The following OTUD7B variants were observed in gnomAD, a reference collection of about 807,000 sequenced individuals.
OTUD7B encodes OTU domain-containing protein 7B.
A neutral mutation model predicts 82.2 loss-of-function variants in OTUD7B; 34 were observed. The ratio of observed to expected loss-of-function variants is 0.41; its 90% CI spans 0.31 to 0.55. The LOEUF is 0.55. OTUD7B is among the 20% of genes least tolerant of loss of function. OTUD7B has a pLI of 0.20. For missense variants in OTUD7B, 944 were observed against 1,062.1 expected (o/e 0.89, Z 1.55); for synonymous variants, 398 against 402.7 (o/e 0.99, Z 0.14).
chr1:150,003,123 G>A (rs113321828), intron 1 of OTUD7B, among the ~76,000 whole-genome samples: 7,136 of 151,944 alleles, frequency 0.047, 214 homozygotes, highest in Non-Finnish European at 0.072. Flanking sequence ...GGTGGCGGGC[G>A]CCTGTAGTCC....
At chr1:150,039,177 AAAG>A in the OTUD7B span, among the ~76,000 whole-genome samples, 3 of 152,140 alleles carry the variant, frequency 2.0e-5, no homozygotes, top group African/African-American at 7.2e-5. Flanking sequence ...TAAAAACAGA[AAAG>A]AAAAAACTTT....
intron 2 of OTUD7B, among the ~76,000 whole-genome samples, chr1:149,975,692 C>A (rs1278765909): frequency 6.6e-6 from 1 of 152,076 alleles, no homozygotes; most frequent in Non-Finnish European, 1.5e-5. Context: ...TCAGGCCTGG[C>A]TGCATAGGAA....
At chr1:150,015,330 G>A (rs1198117906), upstream of OTUD7B, among the ~76,000 whole-genome samples, 5 of 139,476 alleles carry the variant, frequency 3.6e-5, no homozygotes, top group Admixed American at 3.8e-4. Flanking sequence ...GTCTGGCTCT[G>A]TCACCCAGGC....
chr1:149,974,587 T>A (rs1650174781), intron 2 of OTUD7B, among the ~76,000 whole-genome samples: 1 of 141,026 alleles, frequency 7.1e-6, no homozygotes, highest in African/African-American at 2.6e-5. Flanking sequence ...TCTCACTCTG[T>A]CACCCTGGCT....
At chr1:150,044,797 C>T in the OTUD7B span, among the ~76,000 whole-genome samples, 26 of 151,932 alleles carry the variant, frequency 1.7e-4, 1 homozygote, top group Middle Eastern at 0.01. Flanking sequence ...CTACTCCTTC[C>T]AACTTCATAA....
the OTUD7B span, among the ~76,000 whole-genome samples, chr1:150,062,425 G>A: frequency 0.022 from 3,351 of 152,170 alleles, 114 homozygotes; most frequent in African/African-American, 0.074. Flanking sequence ...GCATCTCTTC[G>A]AATGTTTACT....
intron 1 of OTUD7B, among the ~76,000 whole-genome samples, chr1:149,996,939 A>G (rs186958792): frequency 6.6e-6 from 1 of 152,330 alleles, no homozygotes; most frequent in African/African-American, 2.4e-5. Flanking sequence ...TTCTGGAGTT[A>G]GAAGCTTAAT....
At chr1:150,016,798 T>G in the OTUD7B span, among the ~76,000 whole-genome samples, 1 of 152,120 alleles carries the variant, frequency 6.6e-6, no homozygotes, top group Non-Finnish European at 1.5e-5. Context: ...CACTGATAAG[T>G]TCATGCTACC....
chr1:150,057,873 T>C, the OTUD7B span, among the ~76,000 whole-genome samples: 2 of 152,288 alleles, frequency 1.3e-5, no homozygotes, highest in East Asian at 1.9e-4. Context: ...GCTAAGGCAA[T>C]AAGTATGAAT....
chr1:150,058,675 T>A, the OTUD7B span, among the ~76,000 whole-genome samples: 1 of 152,234 alleles, frequency 6.6e-6, no homozygotes, highest in Non-Finnish European at 1.5e-5. Flanking sequence ...ACATGCACAT[T>A]AAAGTTTGAT....
At chr1:149,996,139 G>A (rs1553783323) in intron 1 of OTUD7B, among the ~76,000 whole-genome samples, 24 of 152,142 alleles carry the variant, frequency 1.6e-4, no homozygotes, top group Non-Finnish European at 1.0e-4. Context: ...CTGCAAGCAG[G>A]CACGAACTTT....
At chr1:150,036,601 A>C in the OTUD7B span, among the ~76,000 whole-genome samples, 1 of 152,210 alleles carries the variant, frequency 6.6e-6, no homozygotes, top group Non-Finnish European at 1.5e-5. Context: ...GAGTGAAGCT[A>C]TCATTATTAT....
the OTUD7B span, among the ~76,000 whole-genome samples, chr1:150,027,762 T>C: frequency 2.0e-5 from 3 of 152,220 alleles, no homozygotes; most frequent in African/African-American, 7.2e-5. Flanking sequence ...AAATTCCAAA[T>C]TGGAAATATT....
At chr1:150,046,042 A>G in the OTUD7B span, among the ~76,000 whole-genome samples, 1 of 152,238 alleles carries the variant, frequency 6.6e-6, no homozygotes, top group African/African-American at 2.4e-5. Context: ...ATAAAATACA[A>G]AGGCAAATAT....
chr1:150,045,253 G>A, the OTUD7B span, among the ~76,000 whole-genome samples: 57 of 151,570 alleles, frequency 3.8e-4, no homozygotes, highest in Non-Finnish European at 4.9e-4. Context: ...CACCGTGACC[G>A]GCTAATTTTT....
chr1:149,953,088 T>C (rs1355149923), intron 7 of OTUD7B, among the ~76,000 whole-genome samples: 1 of 152,206 alleles, frequency 6.6e-6, no homozygotes, highest in African/African-American at 2.4e-5. Flanking sequence ...TTTGTTGCCA[T>C]TGCTTTTGGT....
chr1:149,950,977 ATTTTTTTTTT>A (rs1458504169), intron 7 of OTUD7B, among the ~76,000 whole-genome samples: 2,346 of 22,406 alleles, frequency 0.1, 862 homozygotes, highest in African/African-American at 0.45. Flanking sequence ...TACTTTTTGT[ATTTTTTTTTT>A]TTTTTTTTTT....
At chr1:150,012,826 A>G (rs1222060027), upstream of OTUD7B, among the ~76,000 whole-genome samples, 2 of 152,182 alleles carry the variant, frequency 1.3e-5, no homozygotes, top group East Asian at 3.8e-4. Context: ...CAGTTGCTCA[A>G]TGGGCTGCTT....
chr1:149,975,889 C>T (rs1164540231), intron 2 of OTUD7B, among the ~76,000 whole-genome samples: 2 of 151,908 alleles, frequency 1.3e-5, no homozygotes, highest in South Asian at 2.1e-4. Flanking sequence ...GGCATGGTGG[C>T]GCGCGTCTGT....
Sources: gnomAD v4.1 joint callset for allele counts (sites outside exome capture counted in the v4.1 genomes callset) on GRCh38, gnomAD v4.1.1 for gene constraint, MANE v1.5 for transcripts, NCBI Gene and HGNC (gene_info 2026-07-23, HGNC 2026-07-21) for gene names.